DNAJB1: variants seen among roughly 807,000 people sequenced by gnomAD.
DNAJB1 encodes dnaJ homolog subfamily B member 1.
Under a neutral mutation model 24.0 loss-of-function variants are expected in DNAJB1, and 14 were observed. The observed-to-expected ratio is 0.58, with a 90% CI of 0.39 to 0.91. The LOEUF is 0.91. Ranked by LOEUF, DNAJB1 falls within the 40% of genes least tolerant of loss-of-function variation. The pLI, the probability that DNAJB1 is intolerant of heterozygous loss-of-function variation, is 0.00. For missense variants in DNAJB1, 517 were observed against 458.1 expected (o/e 1.13, Z -1.17); for synonymous variants, 262 against 174.4 (o/e 1.50, Z -3.96).
At position 14,529,123 on chromosome 19, in the gene DNAJB1, A is replaced by C. The variant is rs575194845; in HGVS notation, c.-175+87T>G. ...CACTCAAGAGTCTCCTCCCATAGTG[A>C]CCTCCTCGCCAACCAGACTCCGCAG... On this transcript the variant is annotated intron_variant, in intron 1 of 3. Transcript: ENST00000396969. The C allele has an allele frequency of 3.2e-4, 57 of 177,232 alleles. 1 individual carries two copies. The South Asian group carries it at 5.1e-3, about 16-fold the overall frequency. The allele number at this position is 177,232 out of a possible 1,614,324, so 11.0% of individuals were successfully genotyped here.
At chr19:14,524,609 G>T (rs558143961) in intron 2 of DNAJB1, among the ~76,000 whole-genome samples, 107 of 152,046 alleles carry the variant, frequency 7.0e-4, no homozygotes, top group African/African-American at 2.5e-3. Flanking sequence ...ACTTTGGGAG[G>T]CTGAGGCAGG....
chr19:14,553,889 G>A (rs1006796505), upstream of DNAJB1, among the ~76,000 whole-genome samples: 33 of 152,164 alleles, frequency 2.2e-4, no homozygotes, highest in Non-Finnish European at 1.5e-4. Flanking sequence ...GGCCCTTTGT[G>A]TCTTTACCTG....
intron 1 of DNAJB1, among the ~76,000 whole-genome samples, chr19:14,546,541 C>G (rs553275869): frequency 6.6e-6 from 1 of 152,256 alleles, no homozygotes; most frequent in Admixed American, 6.5e-5. Flanking sequence ...GAGCAACCTC[C>G]TGCAGAAATT....
chr19:14,540,323 C>G (rs947861901), intron 1 of DNAJB1, among the ~76,000 whole-genome samples: 3 of 152,256 alleles, frequency 2.0e-5, no homozygotes, highest in Non-Finnish European at 2.9e-5. Context: ...CCTCCTCAGC[C>G]TCCCAAAGTG....
intron 1 of DNAJB1, among the ~76,000 whole-genome samples, chr19:14,558,089 G>A (rs1172300999): frequency 6.6e-6 from 1 of 152,142 alleles, no homozygotes; most frequent in East Asian, 1.9e-4. Flanking sequence ...TCCTAAACTG[G>A]GGATGATTAC....
rs202053180 is a variant in DNAJB1 at position 14,515,937 on chromosome 19, T to G, written c.*3A>C. The G allele has an allele frequency of 3.7e-6, 6 of 1,606,008 alleles. No homozygotes were observed. Among genetic ancestry groups the G allele is most frequent in the Non-Finnish European group, 5.1e-6 (6 of 1,178,082 alleles). ...CTGGTCAGTCCTTGGGGAGCTCAGA[T>G]AGCTATATTGGAAGAACCTGCTCAA... is the stretch of plus-strand genomic sequence containing the variant. On this transcript the variant is annotated 3_prime_UTR_variant, in exon 3 of 3. Transcript: ENST00000254322.
chr19:14,552,013 C>T (rs1209571816), upstream of DNAJB1, among the ~76,000 whole-genome samples: 2 of 138,130 alleles, frequency 1.4e-5, no homozygotes, highest in African/African-American at 2.7e-5. Flanking sequence ...CTCGCTCTGT[C>T]GCCCAGGCTG....
In DNAJB1 at chr19:14,516,543, A is replaced by C; in HGVS notation, c.715T>G (p.Leu239Val). 1 of 1,614,202 alleles carries C rather than the reference A, an allele frequency of 6.2e-7. No individual in the cohort carries two copies. The highest frequency in any genetic ancestry group is 8.5e-7 in the Non-Finnish European group (1 of 1,180,038). The change falls in exon 2 of 3, where the codon TTA becomes GTA. Residue 239 changes from leucine (L) to valine (V), a missense_variant. Coordinates refer to ENST00000254322, the MANE Select transcript of DNAJB1 (RefSeq NM_006145.3). ...AAGATATTGTGGGGCTTGTCCTTTA[A>C]AACAAAGACGATATCAGCTGGAATG... is the stretch of plus-strand genomic sequence containing the variant. ...NNIPADIVFV[L>V]KDKPHNIFKR... is the part of the protein sequence containing the mutation.
upstream of DNAJB1, among the ~76,000 whole-genome samples, chr19:14,521,927 G>A (rs115363897): frequency 0.015 from 2,297 of 152,128 alleles, 44 homozygotes; most frequent in African/African-American, 0.05. Flanking sequence ...CAGCCAGTTC[G>A]GGAAGTTTTA....
chr19:14,543,359 G>T (rs2146580463), intron 1 of DNAJB1, among the ~76,000 whole-genome samples: 1 of 130,508 alleles, frequency 7.7e-6, no homozygotes. Flanking sequence ...TGGAAACAGT[G>T]TATTGCCTGT....
In DNAJB1 at chr19:14,540,774, C is replaced by T. The variant is rs150350318; in HGVS notation, c.-214+9434G>A. On this transcript the variant is annotated intron_variant, in intron 1 of 3. Transcript: ENST00000676982. ...GAACTCTTGATCTTAAGTGATCTGC[C>T]GGCCTCGGCCTCCCAAGTAGCTGGG... Among the ~76,000 whole-genome samples the T allele has an allele frequency of 8.9e-3, 1,356 of 152,286 alleles. 22 individuals are homozygous for T. Among genetic ancestry groups the T allele is most frequent in the African/African-American group, 0.031 (1,301 of 41,544 alleles).
At chr19:14,529,883 T>C, upstream of DNAJB1, 1 of 884,916 alleles carries the variant, frequency 1.1e-6, no homozygotes, top group Non-Finnish European at 1.8e-6. Context: ...CCAATGCGCA[T>C]GTGCGCAGGA....
upstream of DNAJB1, among the ~76,000 whole-genome samples, chr19:14,522,683 G>C (rs868237373): frequency 1.3e-3 from 151 of 117,714 alleles, no homozygotes; most frequent in East Asian, 2.6e-3. Flanking sequence ...CACACACACA[G>C]ACACACACAC....
At chr19:14,535,711 G>A (rs2072873974) in intron 1 of DNAJB1, among the ~76,000 whole-genome samples, 1 of 126,484 alleles carries the variant, frequency 7.9e-6, no homozygotes, top group Non-Finnish European at 1.6e-5. Flanking sequence ...AGCTGAGATC[G>A]CACCACTGCA....
chr19:14,524,032 C>T (rs2072391145), intron 2 of DNAJB1, among the ~76,000 whole-genome samples: 1 of 152,184 alleles, frequency 6.6e-6, no homozygotes, highest in Non-Finnish European at 1.5e-5. Context: ...TCATTACACC[C>T]ATTTTACAGG....
chr19:14,539,038 A>G (rs1207764625), intron 1 of DNAJB1, among the ~76,000 whole-genome samples: 1 of 147,196 alleles, frequency 6.8e-6, no homozygotes, highest in African/African-American at 2.5e-5. Context: ...CAGTGGCTCC[A>G]TCTCGGCTCA....
At chr19:14,528,973 C>T (rs1029220746) in intron 1 of DNAJB1, among the ~76,000 whole-genome samples, 6 of 152,018 alleles carry the variant, frequency 3.9e-5, no homozygotes, top group African/African-American at 1.4e-4. Context: ...CAAAGTGGGG[C>T]GGGGCTTTCA....
At chr19:14,552,692 G>A (rs2073573700), upstream of DNAJB1, among the ~76,000 whole-genome samples, 1 of 151,960 alleles carries the variant, frequency 6.6e-6, no homozygotes, top group Non-Finnish European at 1.5e-5. Context: ...CCGCCACCAT[G>A]CCCGGCTAAC....
chr19:14,529,656 CAGCAGCAGCCGCGG>C (rs2072538026), upstream of DNAJB1: 5 of 1,613,760 alleles, frequency 3.1e-6, no homozygotes, highest in South Asian at 1.1e-5. Context: ...CGCAGTTAGG[CAGCAGCAGCCGCGG>C]AGCAGTAGCC....
Sources: gnomAD v4.1 joint callset for allele counts (sites outside exome capture counted in the v4.1 genomes callset) on GRCh38, gnomAD v4.1.1 for gene constraint, MANE v1.5 for transcripts, NCBI Gene and HGNC (gene_info 2026-07-23, HGNC 2026-07-21) for gene names.